The following NTN1 variants were observed in gnomAD, a reference collection of about 807,000 sequenced individuals.
NTN1 encodes the protein netrin 1, also known as netrin-1.
A neutral mutation model predicts 54.2 loss-of-function variants in NTN1; 11 were observed. That is an observed-to-expected ratio of 0.20 (90% CI 0.13 to 0.34). The LOEUF is 0.34. Ranked by LOEUF, NTN1 falls within the 10% of genes least tolerant of loss-of-function variation. The probability of loss-of-function intolerance (pLI) is 1.00; values close to 1 mark genes in which losing one functional copy is unlikely to be tolerated. For synonymous variants in NTN1, 371 were observed against 382.0 expected (o/e 0.97, Z 0.33); for missense variants, 740 against 893.1 (o/e 0.83, Z 2.18).
chr17:9,213,575 G>A (rs1054290343), intron 5 of NTN1, among the ~76,000 whole-genome samples: 1 of 152,226 alleles, frequency 6.6e-6, no homozygotes, highest in African/African-American at 2.4e-5. Flanking sequence ...GGCCCATATA[G>A]TCTGTGTGTA....
intron 2 of NTN1, among the ~76,000 whole-genome samples, chr17:9,040,468 A>C (rs1344260216): frequency 3.3e-5 from 5 of 152,176 alleles, no homozygotes; most frequent in African/African-American, 1.2e-4. Flanking sequence ...GTATTTTGCA[A>C]CCTTCAGCTT....
chr17:9,020,008 T>C (rs78192143), upstream of NTN1, among the ~76,000 whole-genome samples: 490 of 152,300 alleles, frequency 3.2e-3, 7 homozygotes, highest in African/African-American at 0.011. Context: ...ATGGAATGGA[T>C]TTATTTTCTT....
At chr17:9,021,502 C>A (rs2091847566), upstream of NTN1, 1 of 152,010 alleles carries the variant, frequency 6.6e-6, no homozygotes, top group African/African-American at 2.4e-5. Context: ...CGCTCCCCTC[C>A]GCCCCTCACT....
At chr17:9,183,221 A>C in intron 5 of NTN1, 1 of 682,160 alleles carries the variant, frequency 1.5e-6, no homozygotes, top group Non-Finnish European at 2.7e-6. Flanking sequence ...AACCCTAAAA[A>C]CTGAGCTCCT....
At chr17:9,012,694 T>C in the NTN1 span, among the ~76,000 whole-genome samples, 3 of 152,130 alleles carry the variant, frequency 2.0e-5, no homozygotes, top group African/African-American at 7.2e-5. Context: ...CTTCCCCAAG[T>C]ACCTGCTTAA....
chr17:9,100,369 C>T (rs1270554652), intron 2 of NTN1, among the ~76,000 whole-genome samples: 8 of 152,174 alleles, frequency 5.3e-5, no homozygotes, highest in Admixed American at 5.2e-4. Context: ...ACGATCTCGG[C>T]TCACTCCAAG....
intron 2 of NTN1, among the ~76,000 whole-genome samples, chr17:9,115,866 C>T (rs1407854930): frequency 1.3e-5 from 2 of 152,236 alleles, no homozygotes; most frequent in Admixed American, 6.5e-5. Flanking sequence ...TCGCCGTCTC[C>T]GAGGCCGTGG....
intron 2 of NTN1, among the ~76,000 whole-genome samples, chr17:9,101,024 T>C (rs9915510): frequency 0.19 from 28,654 of 152,200 alleles, 3,092 homozygotes; most frequent in Non-Finnish European, 0.24. Flanking sequence ...TCCATGAAGT[T>C]GCCTTGATTC....
At chr17:9,237,785 C>T (rs977120283) in intron 6 of NTN1, among the ~76,000 whole-genome samples, 13 of 152,146 alleles carry the variant, frequency 8.5e-5, no homozygotes, top group Admixed American at 6.5e-5. Context: ...TCAGTTGCCA[C>T]GGTGACCTCT....
At chr17:9,213,232 A>G (rs1177995898) in intron 5 of NTN1, among the ~76,000 whole-genome samples, 1 of 152,238 alleles carries the variant, frequency 6.6e-6, no homozygotes, top group Non-Finnish European at 1.5e-5. Flanking sequence ...TCCCTGGGAC[A>G]GAGCACGTCC....
At chr17:9,115,710 C>T (rs533489723) in intron 2 of NTN1, among the ~76,000 whole-genome samples, 25 of 152,348 alleles carry the variant, frequency 1.6e-4, no homozygotes, top group Non-Finnish European at 1.0e-4. Flanking sequence ...CTGACATTTC[C>T]CGGGGCCGCA....
chr17:9,073,069 G>A (rs1030244607), intron 2 of NTN1, among the ~76,000 whole-genome samples: 11 of 152,238 alleles, frequency 7.2e-5, no homozygotes, highest in African/African-American at 2.7e-4. Flanking sequence ...CCGTCTGGCT[G>A]GTAGGCCAGC....
At chr17:9,004,345 T>C in the NTN1 span, among the ~76,000 whole-genome samples, 1,279 of 152,360 alleles carry the variant, frequency 8.4e-3, 16 homozygotes, top group African/African-American at 0.029. Context: ...TCCGAGTTCC[T>C]TGTGCTATCA....
chr17:9,149,602 C>T (rs934591267), intron 2 of NTN1, among the ~76,000 whole-genome samples: 10 of 152,134 alleles, frequency 6.6e-5, no homozygotes, highest in African/African-American at 2.2e-4. Context: ...TTGTTCTTCT[C>T]ATCTCTTCTT....
intron 5 of NTN1, among the ~76,000 whole-genome samples, chr17:9,202,561 G>C (rs1904830592): frequency 6.6e-6 from 1 of 152,156 alleles, no homozygotes; most frequent in South Asian, 2.1e-4. Flanking sequence ...TGCCGGTGGG[G>C]GGACTTCAGT....
At chr17:9,053,584 CCT>C (rs1301156002) in intron 2 of NTN1, among the ~76,000 whole-genome samples, 1 of 152,214 alleles carries the variant, frequency 6.6e-6, no homozygotes, top group African/African-American at 2.4e-5. Flanking sequence ...ATTCGGATTC[CCT>C]GGAGGACAAG....
chr17:9,071,489 TA>T (rs150147495), intron 2 of NTN1, among the ~76,000 whole-genome samples: 17,722 of 147,852 alleles, frequency 0.12, 1,339 homozygotes, highest in Non-Finnish European at 0.16. Flanking sequence ...GTTTAAAAAT[TA>T]AAAAAAAAAA....
chr17:9,124,392 C>T (rs2092239881), intron 2 of NTN1, among the ~76,000 whole-genome samples: 1 of 152,234 alleles, frequency 6.6e-6, no homozygotes, highest in African/African-American at 2.4e-5. Context: ...TCCGGCTTCT[C>T]TCCGGATTCC....
chr17:9,168,849 G>T (rs183264330), intron 3 of NTN1, among the ~76,000 whole-genome samples: 1 of 152,200 alleles, frequency 6.6e-6, no homozygotes, highest in East Asian at 1.9e-4. Context: ...TTTTGTGGGG[G>T]GTGCAGGGAA....
Sources: allele counts gnomAD v4.1 joint callset (sites outside exome capture counted in the v4.1 genomes callset), GRCh38; gene constraint gnomAD v4.1.1; transcripts MANE v1.5; gene names NCBI Gene and HGNC (gene_info 2026-07-23, HGNC 2026-07-21).